The following CHDH variants were observed in gnomAD, a reference collection of about 807,000 sequenced individuals.
The protein encoded by CHDH is choline dehydrogenase, mitochondrial.
In CHDH, 43 loss-of-function variants were observed where a neutral mutation model predicts 56.9. That is an observed-to-expected ratio of 0.76 (90% CI 0.59 to 0.97). The LOEUF (loss-of-function observed/expected upper bound fraction) is 0.97. Ranked by LOEUF, CHDH falls within the 50% of genes least tolerant of loss-of-function variation. The pLI, the probability that CHDH is intolerant of heterozygous loss-of-function variation, is 0.00. For synonymous variants in CHDH, 364 were observed against 348.5 expected, an observed-to-expected ratio of 1.04 and a Z score of -0.50; for missense variants, 816 against 821.1, an observed-to-expected ratio of 0.99 and a Z score of 0.08.
At chr3:53,824,561 A>G (rs2095635506) in intron 2 of CHDH, among the ~76,000 whole-genome samples, 1 of 152,158 alleles carries the variant, frequency 6.6e-6, no homozygotes, top group Admixed American at 6.5e-5. Flanking sequence ...GACTTAAATA[A>G]CTGAAGGAAG....
intron 1 of CHDH, chr3:53,844,827 C>A (rs920495631): frequency 7.2e-5 from 11 of 152,284 alleles, no homozygotes; most frequent in Admixed American, 2.0e-4. Context: ...AAATGGATGA[C>A]CATTTAAGCC....
intron 2 of CHDH, among the ~76,000 whole-genome samples, chr3:53,826,472 C>A (rs2095639274): frequency 6.6e-6 from 1 of 152,108 alleles, no homozygotes; most frequent in South Asian, 2.1e-4. Context: ...GTTCAACATT[C>A]AAAAATAATC....
chr3:53,827,459 G>A (rs2095641002), intron 2 of CHDH, among the ~76,000 whole-genome samples: 1 of 151,216 alleles, frequency 6.6e-6, no homozygotes, highest in South Asian at 2.1e-4. Flanking sequence ...ATAGCAATGA[G>A]AGAAAAGACT....
At chr3:53,836,741 C>A (rs1400684152) in intron 2 of CHDH, among the ~76,000 whole-genome samples, 1 of 152,216 alleles carries the variant, frequency 6.6e-6, no homozygotes, top group Non-Finnish European at 1.5e-5. Flanking sequence ...GCAAACCCAA[C>A]CTGCGCAGTC....
intron 2 of CHDH, among the ~76,000 whole-genome samples, chr3:53,831,532 C>T (rs1698334284): frequency 6.6e-6 from 1 of 152,234 alleles, no homozygotes; most frequent in Non-Finnish European, 1.5e-5. Flanking sequence ...CTTGTGTCAC[C>T]CTACCTGTAG....
At chr3:53,829,474 TGCACGTGTAGGG>T (rs1698266353) in intron 2 of CHDH, among the ~76,000 whole-genome samples, 1 of 152,244 alleles carries the variant, frequency 6.6e-6, no homozygotes, top group Non-Finnish European at 1.5e-5. Context: ...GGGAGGATTA[TGCACGTGTAGGG>T]GCAAAGGTTA....
Position 53,823,685 on chromosome 3 carries a change from G to A in CHDH, c.324C>T (p.His108=). 6.5e-7 allele frequency: 1 copy of A among 1,548,380 alleles called. No individual in the cohort carries two copies. Among genetic ancestry groups the A allele is most frequent in the Non-Finnish European group, 8.7e-7 (1 of 1,147,088 alleles). The change falls in exon 3 of 9, where the codon CAC becomes CAT. Residue 108 remains histidine, a synonymous_variant. Transcript: ENST00000315251. ...CGTCCAGGCCCCGCTGCACCTCTGT[G>A]TGGTAGCACCAGTTGTACCTGTCGT... ...LCDDRYNWCY[H]TEVQRGLDGR...
At chr3:53,821,611 G>C (rs879889911) in intron 5 of CHDH, 36 bp downstream of exon 5, 1 of 1,597,384 alleles carries the variant, frequency 6.3e-7, no homozygotes, top group Non-Finnish European at 8.6e-7. Flanking sequence ...GTTGAGCAGA[G>C]ACAGCCTCTG....
At position 53,818,175 on chromosome 3, in the gene CHDH, G is replaced by A. The variant is rs267599903; in HGVS notation, c.1387C>T (p.Arg463Cys). The change falls in exon 9 of 9, where the codon CGT becomes TGT. Residue 463 changes from arginine (R) to cysteine (C), a missense_variant. By Grantham distance (180) the Arg-to-Cys change is radical (BLOSUM62 -3). Coordinates refer to ENST00000315251, the MANE Select transcript of CHDH (RefSeq NM_018397.5). ...TCTCTGGTGAGCTTCACACACAGAC[G>A]GAAATCCTCAATATCAGTTTCTGTC... ...LSTETDIEDFRLCVKLTREIF... is the reference protein window; with the variant it reads ...LSTETDIEDFCLCVKLTREIF... The A allele has an allele frequency of 1.2e-5, 19 of 1,608,566 alleles. No homozygotes were observed. The highest frequency in any genetic ancestry group is 1.4e-5 in the Non-Finnish European group (17 of 1,178,024).
At position 53,823,462 on chromosome 3, in the gene CHDH, C is replaced by G; in HGVS notation, c.547G>C (p.Ala183Pro). ...CGGGACACCCGCAGCGGGCCATCGG[C>G]GCCCCGGTACCGGCTGGCGCCCAGC... ...HELGASRYRGADGPLRVSRGK... is the reference protein window; with the variant it reads ...HELGASRYRGPDGPLRVSRGK... The change falls in exon 3 of 9, where the codon GCC (alanine) becomes CCC (proline). Residue 183 changes from alanine (A) to proline (P), a missense_variant. Ala to Pro is a conservative substitution (Grantham distance 27, BLOSUM62 -1). Transcript: ENST00000315251. 1 of 1,555,802 alleles carries G rather than the reference C, an allele frequency of 6.4e-7. No homozygotes were observed. Among genetic ancestry groups the G allele is most frequent in the Non-Finnish European group, 8.7e-7 (1 of 1,150,762 alleles).
At chr3:53,836,291 T>C (rs62250937) in intron 2 of CHDH, among the ~76,000 whole-genome samples, 13,955 of 152,170 alleles carry the variant, frequency 0.092, 670 homozygotes, top group South Asian at 0.16. Flanking sequence ...TGGGACAAGC[T>C]TCCTCATGGC....
At position 53,819,353 on chromosome 3, in the gene CHDH, T is replaced by C. The variant is rs1003691196; in HGVS notation, c.1263+179A>G. On this transcript the variant is annotated intron_variant, in intron 7 of 8. Coordinates refer to ENST00000315251, the MANE Select transcript of CHDH (RefSeq NM_018397.5). This position sits in a 1 kb window ranked among gnomAD's most constrained non-coding sequence, Gnocchi z 5.4. ...TAGCCTGCATGAAACAGTCATACCA[T>C]TGGCATGCACCACGCAGACTGACAC... is the stretch of plus-strand genomic sequence containing the variant. 1.3e-4 allele frequency among the ~76,000 whole-genome samples: 20 copies of C among 152,114 alleles called. No individual in the cohort carries two copies. Among genetic ancestry groups the C allele is most frequent in the African/African-American group, 4.1e-4 (17 of 41,398 alleles).
In CHDH at chr3:53,818,045, G is replaced by C; in HGVS notation, c.1517C>G (p.Ala506Gly). The C allele has an allele frequency of 6.2e-7, 1 of 1,614,212 alleles. No individual in the cohort carries two copies. Among genetic ancestry groups the C allele is most frequent in the East Asian group, 2.2e-5 (1 of 44,888 alleles). Residue 506 changes from alanine to glycine, a missense_variant, in exon 9 of 9, where the codon GCC becomes GGC. Transcript: ENST00000315251. ...GCACGAGGGGTGGTAGGCGCTGTCGGCTTTTGCCCGCACAAAGGCATCTAT... is the reference window on the plus strand; with the variant it reads ...GCACGAGGGGTGGTAGGCGCTGTCGCCTTTTGCCCGCACAAAGGCATCTAT... ...KEIDAFVRAK[A>G]DSAYHPSCTC...
chr3:53,833,329 C>G lies in CHDH; in HGVS notation c.-60+7600G>C, dbSNP rs137890703. Among the ~76,000 whole-genome samples the G allele has an allele frequency of 4.6e-4, 70 of 152,290 alleles. 1 individual carries two copies. The East Asian group carries it at 0.01, about 23-fold the overall frequency. On this transcript the variant is annotated intron_variant, in intron 2 of 8. Coordinates refer to ENST00000315251, the MANE Select transcript of CHDH (RefSeq NM_018397.5). Reference sequence around the variant, plus strand: ...TATCACAACTCTGCTCCAACACCTCCCCTTGATACTCCCACCCTCCCCACA... The same window carrying G: ...TATCACAACTCTGCTCCAACACCTCGCCTTGATACTCCCACCCTCCCCACA...
At chr3:53,837,584 C>T (rs1698536687) in intron 2 of CHDH, among the ~76,000 whole-genome samples, 1 of 152,240 alleles carries the variant, frequency 6.6e-6, no homozygotes, top group Admixed American at 6.5e-5. Flanking sequence ...CCTGTGGCTC[C>T]TCTGAAGTAA....
Position 53,846,332 on chromosome 3 carries a change from G to A in CHDH, c.-380C>T. On this transcript the variant is annotated 5_prime_UTR_variant, in exon 1 of 9. It adds an upstream start codon to the 5' untranslated region. Transcript: ENST00000315251. ...GATGCACCTGGCTCACTGCATGCAC[G>A]TGTGCGCGGGGGTAGGCGCGCGCCG... is the stretch of plus-strand genomic sequence containing the variant. 4.5e-6 allele frequency: 2 copies of A among 441,960 alleles called. No homozygotes were observed. Among genetic ancestry groups the A allele is most frequent in the Non-Finnish European group, 4.0e-6 (1 of 252,574 alleles). 27.4% of individuals were successfully genotyped at this position (441,960 alleles called of 1,614,324 possible). A position where few individuals can be genotyped will look rare whatever the true frequency, so the allele number is the denominator to read the frequency against.
Position 53,823,791 on chromosome 3 carries a change from C to G in CHDH, c.218G>C (p.Gly73Ala). 1 of 1,576,458 alleles carries G rather than the reference C, an allele frequency of 6.3e-7. No homozygotes were observed. The highest frequency in any genetic ancestry group is 1.3e-5 in the African/African-American group (1 of 74,194). ...PAERVLLLEA[G>A]PKDVLAGSKR... ...GCTCCCCGCGAGCACGTCCTTGGGC[C>G]CGGCCTCCAGCAGCAGCACGCGCTC... is the stretch of plus-strand genomic sequence containing the variant. The change falls in exon 3 of 9, where the codon GGG (glycine) becomes GCG (alanine). Residue 73 changes from glycine to alanine, a missense_variant. Gly to Ala is a moderately conservative substitution (Grantham distance 60). Transcript: ENST00000315251.
At position 53,817,756 on chromosome 3, in the gene CHDH, C is replaced by A. The variant is rs2095618314; in HGVS notation, c.*21G>T. 6.4e-7 allele frequency: 1 copy of A among 1,563,268 alleles called. No homozygotes were observed. Among genetic ancestry groups the A allele is most frequent in the South Asian group, 1.2e-5 (1 of 81,434 alleles). ...TGGCTTATCAGGGGGCTTCCCTGGTCATCCTCCAGCAGCAACTGTCTTAGC... is the reference window on the plus strand; with the variant it reads ...TGGCTTATCAGGGGGCTTCCCTGGTAATCCTCCAGCAGCAACTGTCTTAGC... On this transcript the variant is annotated 3_prime_UTR_variant, in exon 9 of 9. Transcript: ENST00000315251.
rs779615067 is a variant in CHDH at position 53,823,892 on chromosome 3, G to A, written c.117C>T (p.Asp39=). 6 of 1,582,134 alleles carry A rather than the reference G, an allele frequency of 3.8e-6. No homozygotes were observed. Among genetic ancestry groups the A allele is most frequent in the Admixed American group, 3.5e-5 (2 of 57,102 alleles). ...CGCCCACCACCACATAGCTGTACTCGTCCCGGCTCTCAGAGCCTGCGCTGG... is the reference window on the plus strand; with the variant it reads ...CGCCCACCACCACATAGCTGTACTCATCCCGGCTCTCAGAGCCTGCGCTGG... ...ALASAGSESR[D]EYSYVVVGAG... The change falls in exon 3 of 9, where the codon GAC becomes GAT. Residue 39 remains aspartate (D), a synonymous_variant. Transcript: ENST00000315251.
Sources: gnomAD v4.1 joint callset for allele counts (sites outside exome capture counted in the v4.1 genomes callset) on GRCh38, gnomAD v4.1.1 for gene constraint, Gnocchi (gnomAD v3.1) non-coding constraint, MANE v1.5 for transcripts, NCBI Gene and HGNC (gene_info 2026-07-23, HGNC 2026-07-21) for gene names.